OTUD7B: variants seen among roughly 807,000 people sequenced by gnomAD.
OTUD7B encodes the protein OTU domain-containing protein 7B.
Under a neutral mutation model 82.2 loss-of-function variants are expected in OTUD7B, and 34 were observed. The observed-to-expected ratio is 0.41, with a 90% CI of 0.31 to 0.55. The LOEUF is 0.55. OTUD7B is among the 20% of genes least tolerant of loss of function. The pLI is 0.20. For synonymous variants in OTUD7B, 398 were observed against 402.7 expected (o/e 0.99, Z 0.14); for missense variants, 944 against 1,062.1 (o/e 0.89, Z 1.55).
the OTUD7B span, among the ~76,000 whole-genome samples, chr1:150,038,690 G>A: frequency 1.3e-5 from 2 of 152,238 alleles, no homozygotes; most frequent in African/African-American, 4.8e-5. Context: ...CCCAGCCTAA[G>A]TTGTTATTCT....
intron 1 of OTUD7B, among the ~76,000 whole-genome samples, chr1:149,986,273 A>G (rs75957159): frequency 1.5e-4 from 23 of 151,290 alleles, no homozygotes; most frequent in African/African-American, 5.4e-4. Flanking sequence ...ACACACACAC[A>G]GTACTGTTGA....
chr1:150,058,004 G>A, the OTUD7B span, among the ~76,000 whole-genome samples: 1 of 152,166 alleles, frequency 6.6e-6, no homozygotes, highest in Non-Finnish European at 1.5e-5. Flanking sequence ...ATAATTATGA[G>A]CCCATTTTAA....
chr1:150,002,959 T>C (rs1229536620), intron 1 of OTUD7B, among the ~76,000 whole-genome samples: 9 of 152,150 alleles, frequency 5.9e-5, no homozygotes, highest in Admixed American at 5.2e-4. Context: ...CAGTATAAGA[T>C]AAAGCTCCAG....
rs587649806 is a variant in OTUD7B at position 149,944,101 on chromosome 1, G to A, written c.2288C>T (p.Ala763Val). ...CACTCGGTAGGGGGGTGGTAACAAGGCACCCCTGTGAAGTCCATCCTTAGA... is the reference window on the plus strand; with the variant it reads ...CACTCGGTAGGGGGGTGGTAACAAGACACCCCTGTGAAGTCCATCCTTAGA... ...SHSKDGLHRGALLPPPYRVAD... is the reference protein window; with the variant it reads ...SHSKDGLHRGVLLPPPYRVAD... Residue 763 changes from alanine (A) to valine (V), a missense_variant, in exon 12 of 12, where the codon GCC (alanine) becomes GTC (valine). Around this residue, in one of 3 missense-constraint regions of OTUD7B, gnomAD observed 412 missense variants for 418.7 expected, o/e 0.98. Coordinates refer to ENST00000581312, the MANE Select transcript of OTUD7B (RefSeq NM_020205.4). The A allele has an allele frequency of 1.2e-6, 2 of 1,614,070 alleles. No individual in the cohort carries two copies. The highest frequency in any genetic ancestry group is 1.7e-6 in the Non-Finnish European group (2 of 1,179,990).
intron 2 of OTUD7B, among the ~76,000 whole-genome samples, chr1:149,976,243 A>C (rs1006413819): frequency 1.3e-5 from 2 of 152,072 alleles, no homozygotes; most frequent in African/African-American, 4.8e-5. Context: ...GTGTCATTAC[A>C]TATTTTCATC....
intron 2 of OTUD7B, among the ~76,000 whole-genome samples, chr1:149,973,289 T>C (rs1299482557): frequency 3.3e-5 from 5 of 152,134 alleles, no homozygotes; most frequent in Admixed American, 1.3e-4. Context: ...CCAGGTGTGG[T>C]GGTGTGTGCT....
chr1:150,008,180 C>T (rs74539052), intron 1 of OTUD7B, among the ~76,000 whole-genome samples: 4,964 of 152,246 alleles, frequency 0.033, 180 homozygotes, highest in East Asian at 0.13. Flanking sequence ...CTTCTTCAAC[C>T]CCTTTGATCC....
chr1:149,944,640 G>A lies in OTUD7B; in HGVS notation c.1749C>T (p.Asn583=), dbSNP rs375214411. 50 of 1,613,848 alleles carry A rather than the reference G, an allele frequency of 3.1e-5. No individual in the cohort carries two copies. Among genetic ancestry groups the A allele is most frequent in the African/African-American group, 1.7e-4 (13 of 74,976 alleles). The change falls in exon 12 of 12, where the codon AAC becomes AAT. Residue 583 remains asparagine (N), a synonymous_variant. Transcript: ENST00000581312. ...SEKPPAESVG[N]GGSKYSQEVM... is the part of the protein sequence containing the mutation. ...CCTCCTGGCTATACTTGCTCCCTCC[G>A]TTACCAACAGACTCAGCTGGGGGCT...
Position 149,951,677 on chromosome 1 carries a change from C to A in OTUD7B, c.846-1456G>T, listed in dbSNP as rs935057602. On this transcript the variant is annotated intron_variant, in intron 7 of 11. Transcript: ENST00000581312. ...ATTTCTGGGCCTTACCTCTGTCCAA[C>A]TCAACTGGACTTTTCTGGGGTGGAG... 5.3e-5 allele frequency among the ~76,000 whole-genome samples: 8 copies of A among 152,306 alleles called. 1 individual carries two copies. Among genetic ancestry groups the A allele is most frequent in the Admixed American group, 3.9e-4 (6 of 15,282 alleles).
upstream of OTUD7B, among the ~76,000 whole-genome samples, chr1:150,012,195 T>C (rs1653103724): frequency 6.6e-6 from 1 of 152,172 alleles, no homozygotes; most frequent in African/African-American, 2.4e-5. Context: ...TTTGGTCACC[T>C]AAATTGACTC....
chr1:150,041,980 T>A, the OTUD7B span, among the ~76,000 whole-genome samples: 3 of 152,156 alleles, frequency 2.0e-5, no homozygotes, highest in African/African-American at 7.2e-5. Flanking sequence ...CTTTGTAATG[T>A]TTTCAGTATT....
chr1:150,031,595 G>GCA, the OTUD7B span, among the ~76,000 whole-genome samples: 2 of 151,970 alleles, frequency 1.3e-5, no homozygotes, highest in Admixed American at 6.6e-5. Context: ...AAAATAAAAA[G>GCA]CACACACACA....
intron 1 of OTUD7B, among the ~76,000 whole-genome samples, chr1:149,982,883 G>A (rs1222145018): frequency 2.7e-5 from 3 of 111,138 alleles, no homozygotes; most frequent in African/African-American, 1.1e-4. Context: ...GTCTCGCTCT[G>A]TCTCCCAGGC....
At chr1:150,024,517 CT>C in the OTUD7B span, among the ~76,000 whole-genome samples, 1 of 135,636 alleles carries the variant, frequency 7.4e-6, no homozygotes, top group Non-Finnish European at 1.8e-5. Context: ...TTTTAGTGTC[CT>C]TCTCAAAAAC....
chr1:149,946,832 C>G (rs1163073098), intron 11 of OTUD7B, among the ~76,000 whole-genome samples: 2 of 149,352 alleles, frequency 1.3e-5, no homozygotes, highest in Admixed American at 1.3e-4. Flanking sequence ...GCGGGCAGAT[C>G]ATCTGAGGTC....
At chr1:149,967,266 G>A (rs782246945) in intron 4 of OTUD7B, 28 bp downstream of exon 4, 1 of 1,494,424 alleles carries the variant, frequency 6.7e-7, no homozygotes, top group Admixed American at 1.7e-5. Flanking sequence ...GTAGAGGGAA[G>A]AGTGTGGGAG....
the OTUD7B span, among the ~76,000 whole-genome samples, chr1:150,016,470 T>C: frequency 6.8e-6 from 1 of 147,548 alleles, no homozygotes; most frequent in African/African-American, 2.5e-5. Context: ...TTTTTTTTTT[T>C]TGAGACAGAG....
rs1647980592 is a variant in OTUD7B at position 149,949,025 on chromosome 1, G to T, written c.1182C>A (p.Asp394Glu). ...TGCCCCACTCCCAGCCCTTTCCAGG[G>T]TCCACAGCAAAGTGCAAGGGCAGCA... Reference protein sequence around the residue: ...YKLLPLHFAVDPGKGWEWGKD... With the variant: ...YKLLPLHFAVEPGKGWEWGKD... Residue 394 changes from aspartate to glutamate, a missense_variant, in exon 10 of 12, where the codon GAC (aspartate) becomes GAA (glutamate). Asp to Glu is a conservative substitution (Grantham distance 45). Coordinates refer to ENST00000581312, the MANE Select transcript of OTUD7B (RefSeq NM_020205.4). 4 of 1,614,120 alleles carry T rather than the reference G, an allele frequency of 2.5e-6. No individual in the cohort carries two copies. The highest frequency in any genetic ancestry group is 3.4e-6 in the Non-Finnish European group (4 of 1,179,966).
chr1:149,941,641 A>C lies in OTUD7B; in HGVS notation c.*2216T>G, dbSNP rs587722212. 1 of 152,354 alleles carries C rather than the reference A, an allele frequency of 6.6e-6. No individual in the cohort carries two copies. The highest frequency in any genetic ancestry group is 2.4e-5 in the African/African-American group (1 of 41,588). 9.4% of individuals were successfully genotyped at this position (152,354 alleles called of 1,614,324 possible). ...AAAAGTCTATGATGGACAATGTATC[A>C]AAAATTTAAATAAGAAGGATTCATC... is the stretch of plus-strand genomic sequence containing the variant. On this transcript the variant is annotated 3_prime_UTR_variant, in exon 12 of 12. Transcript: ENST00000581312.
Sources: gnomAD v4.1 joint callset for allele counts (sites outside exome capture counted in the v4.1 genomes callset) on GRCh38, gnomAD v4.1.1 for gene constraint, gnomAD v4.1.1 regional missense constraint, MANE v1.5 for transcripts, NCBI Gene and HGNC (gene_info 2026-07-23, HGNC 2026-07-21) for gene names.